Variants in DNASE1L3 observed in about 807,000 individuals in gnomAD.
The protein encoded by DNASE1L3 is deoxyribonuclease 1L3, also known as deoxyribonuclease gamma.
In DNASE1L3, 27 loss-of-function variants were observed where a neutral mutation model predicts 30.9. That is an observed-to-expected ratio of 0.87 (90% confidence interval 0.64 to 1.20). The LOEUF (loss-of-function observed/expected upper bound fraction) is 1.20. DNASE1L3 is among the 50% of genes most tolerant of loss of function. The pLI is 0.00. For synonymous variants in DNASE1L3, 135 were observed against 138.0 expected, an observed-to-expected ratio of 0.98 and a Z score of 0.15; for missense variants, 364 against 378.2, an observed-to-expected ratio of 0.96 and a Z score of 0.31.
rs1045645262 is a variant in DNASE1L3 at position 58,192,492 on chromosome 3, A to G, written c.*195T>C. The G allele has an allele frequency of 2.1e-6, 1 of 485,932 alleles. No homozygotes were observed. Among genetic ancestry groups the G allele is most frequent in the Non-Finnish European group, 3.5e-6 (1 of 287,174 alleles). The allele number at this position is 485,932 out of a possible 1,614,324, so 30.1% of individuals were successfully genotyped here. On this transcript the variant is annotated 3_prime_UTR_variant, in exon 8 of 8. Coordinates refer to ENST00000394549, the MANE Select transcript of DNASE1L3 (RefSeq NM_004944.4). The surrounding 1 kb of genome is among the most constrained non-coding windows in gnomAD (Gnocchi z 4.8). ...AAATGCCCCTGGTTCCCTTTTAGACAATTCAGGGGAGGTATGAGACCAAGA... is the reference window on the plus strand; with the variant it reads ...AAATGCCCCTGGTTCCCTTTTAGACGATTCAGGGGAGGTATGAGACCAAGA...
At chr3:58,198,117 C>T in intron 5 of DNASE1L3, 139 bp from the exon 6 acceptor site, 2 of 980,326 alleles carry the variant, frequency 2.0e-6, no homozygotes, top group Non-Finnish European at 2.9e-6. Context: ...CTACCCCCTG[C>T]TCCCGCCCCG....
At chr3:58,203,797 C>G (rs1289994829) in intron 4 of DNASE1L3, among the ~76,000 whole-genome samples, 1 of 151,930 alleles carries the variant, frequency 6.6e-6, no homozygotes, top group Non-Finnish European at 1.5e-5. Flanking sequence ...AAGGCCCTAT[C>G]TCAAAAACAG....
chr3:58,206,199 T>C (rs972894001), intron 2 of DNASE1L3, among the ~76,000 whole-genome samples: 10 of 152,224 alleles, frequency 6.6e-5, no homozygotes, highest in African/African-American at 9.6e-5. Context: ...GCGGACTCTT[T>C]CTGTGTGTTT....
intron 6 of DNASE1L3, 61 bp from the exon 7 acceptor site, chr3:58,193,500 C>G: frequency 1.4e-6 from 2 of 1,440,790 alleles, no homozygotes; most frequent in Non-Finnish European, 1.9e-6. Flanking sequence ...GAGATCAAAC[C>G]AAGGTCTGTG....
At chr3:58,193,476 A>C (rs1245787448) in intron 6 of DNASE1L3, 37 bp from the exon 7 acceptor site, 21 of 1,558,170 alleles carry the variant, frequency 1.3e-5, no homozygotes, top group Non-Finnish European at 1.9e-5. Context: ...GTGTTAATCC[A>C]ACCTGTGATT....
intron 1 of DNASE1L3, among the ~76,000 whole-genome samples, chr3:58,209,467 G>A (rs936166539): frequency 3.3e-5 from 5 of 152,172 alleles, no homozygotes; most frequent in African/African-American, 1.2e-4. Flanking sequence ...TCTTGTCATG[G>A]CTCCCACAGG....
intron 4 of DNASE1L3, among the ~76,000 whole-genome samples, chr3:58,202,142 A>G (rs1443950215): frequency 6.7e-6 from 1 of 148,618 alleles, no homozygotes; most frequent in Non-Finnish European, 1.5e-5. Flanking sequence ...TTTTTTTTAA[A>G]GGTTTCCTTT....
In DNASE1L3 at chr3:58,193,075, CTTTTTTTTT is replaced by C. The variant is rs11289117; in HGVS notation, c.801+259_801+267del. The C allele has an allele frequency of 4.6e-5, 59 of 1,273,158 alleles. No individual in the cohort carries two copies. The African/African-American group carries it at 1.0e-3, about 22-fold the overall frequency. 78.9% of individuals were successfully genotyped at this position (1,273,158 alleles called of 1,614,324 possible). A position where few individuals can be genotyped will look rare whatever the true frequency, so the allele number is the denominator to read the frequency against. On this transcript the variant is annotated intron_variant, in intron 7 of 7. Transcript: ENST00000394549. Reference sequence around the variant, plus strand: ...ACCTCAAAGGGTGGCATCAACCCATCTTTTTTTTTTTTTTTTTTTGAGACAGGATCTCAC... The same window carrying C: ...ACCTCAAAGGGTGGCATCAACCCATCTTTTTTTTTTGAGACAGGATCTCAC...
intron 1 of DNASE1L3, among the ~76,000 whole-genome samples, chr3:58,208,903 C>A (rs2097405760): frequency 6.6e-6 from 1 of 152,042 alleles, no homozygotes; most frequent in Non-Finnish European, 1.5e-5. Flanking sequence ...AGGATTTGAA[C>A]TTAGGTCTGC....
chr3:58,206,761 C>T (rs1328040481), intron 2 of DNASE1L3, among the ~76,000 whole-genome samples: 1 of 152,128 alleles, frequency 6.6e-6, no homozygotes, highest in Non-Finnish European at 1.5e-5. Context: ...ACTGGGGACA[C>T]TCCAAGGAAG....
intron 1 of DNASE1L3, among the ~76,000 whole-genome samples, chr3:58,209,880 C>T: frequency 6.6e-6 from 1 of 152,222 alleles, no homozygotes; most frequent in Non-Finnish European, 1.5e-5. Context: ...TAATAAGTAC[C>T]TTTCCAGAGT....
intron 5 of DNASE1L3, among the ~76,000 whole-genome samples, chr3:58,198,621 T>A (rs2097398789): frequency 6.6e-6 from 1 of 152,214 alleles, no homozygotes; most frequent in African/African-American, 2.4e-5. Flanking sequence ...CTGTTCTTAG[T>A]CGCCACATTT....
rs532308549 is a variant in DNASE1L3, at chr3:58,192,659, A to T, written c.*28T>A. Reference sequence around the variant, plus strand: ...AGAGACATTTTATTTAGAGGCAAGAAATGGTTAATAAGATGAGACCCTTGG... The same window carrying T: ...AGAGACATTTTATTTAGAGGCAAGATATGGTTAATAAGATGAGACCCTTGG... On this transcript the variant is annotated 3_prime_UTR_variant, in exon 8 of 8. Transcript: ENST00000394549. This position sits in a 1 kb window ranked among gnomAD's most constrained non-coding sequence, Gnocchi z 4.8. 1 of 1,599,514 alleles carries T rather than the reference A, an allele frequency of 6.3e-7. No homozygotes were observed. The highest frequency in any genetic ancestry group is 1.1e-5 in the South Asian group (1 of 89,022).
chr3:58,208,459 G>A (rs895003087), intron 1 of DNASE1L3, among the ~76,000 whole-genome samples, 153 bp from the exon 2 acceptor site: 4 of 152,146 alleles, frequency 2.6e-5, no homozygotes, highest in African/African-American at 9.7e-5. Context: ...GAGGTAGGTA[G>A]GTGCTTTTGT....
Position 58,192,728 on chromosome 3 carries a change from A to AT in DNASE1L3, c.876dup (p.Ser293IlefsTer22). The AT allele has an allele frequency of 1.2e-6, 2 of 1,614,108 alleles. No individual in the cohort carries two copies. Among genetic ancestry groups the AT allele is most frequent in the South Asian group, 1.1e-5 (1 of 91,080 alleles). The stretch of plus-strand genomic sequence containing the variant: ...TTTGTTTTCTTCCTTAGAGTGACAG[A>AT]TTTTTTGCTGTTGGTGAAGGCCCTT... On this transcript the variant is annotated frameshift_variant, in exon 8 of 8. Coordinates refer to ENST00000394549, the MANE Select transcript of DNASE1L3 (RefSeq NM_004944.4). LOFTEE classifies it low-confidence loss of function (END_TRUNC). This position sits in a 1 kb window ranked among gnomAD's most constrained non-coding sequence, Gnocchi z 4.8.
chr3:58,198,400 C>T (rs902522793), intron 5 of DNASE1L3, among the ~76,000 whole-genome samples: 2 of 152,234 alleles, frequency 1.3e-5, no homozygotes, highest in African/African-American at 4.8e-5. Flanking sequence ...TGTTCTGGGA[C>T]TCCAGCCTCC....
rs2097397943 is a variant in DNASE1L3 at position 58,197,171 on chromosome 3, C to T, written c.704+650G>A. On this transcript the variant is annotated intron_variant, in intron 6 of 7. Coordinates refer to ENST00000394549, the MANE Select transcript of DNASE1L3 (RefSeq NM_004944.4). The surrounding 1 kb of genome is among the most constrained non-coding windows in gnomAD (Gnocchi z 5.3). Reference sequence around the variant, plus strand: ...ACATGTTATTTCATTTACTCCACATCGGATCTTCATGAGTGAGGCACTAGG... The same window carrying T: ...ACATGTTATTTCATTTACTCCACATTGGATCTTCATGAGTGAGGCACTAGG... 1.3e-5 allele frequency among the ~76,000 whole-genome samples: 2 copies of T among 152,148 alleles called. No homozygotes were observed. Among genetic ancestry groups the T allele is most frequent in the Non-Finnish European group, 2.9e-5 (2 of 68,036 alleles).
At chr3:58,196,822 T>G (rs951115492) in intron 6 of DNASE1L3, among the ~76,000 whole-genome samples, 1 of 152,200 alleles carries the variant, frequency 6.6e-6, no homozygotes, top group Non-Finnish European at 1.5e-5. Context: ...GAAGGGACTT[T>G]AAAAAGCACG....
chr3:58,210,931 C>G lies in DNASE1L3; in HGVS notation c.-25G>C. 1 of 1,612,458 alleles carries G rather than the reference C, an allele frequency of 6.2e-7. No individual in the cohort carries two copies. Among genetic ancestry groups the G allele is most frequent in the Non-Finnish European group, 8.5e-7 (1 of 1,179,618 alleles). ...TCCTGGCGCTGCTCTGGCTTCAAGA[C>G]TCTGTGAGAAGACAGCAGTGCTTGG... is the stretch of plus-strand genomic sequence containing the variant. On this transcript the variant is annotated 5_prime_UTR_variant, in exon 1 of 8. Coordinates refer to ENST00000394549, the MANE Select transcript of DNASE1L3 (RefSeq NM_004944.4).
Sources: allele counts gnomAD v4.1 joint callset (sites outside exome capture counted in the v4.1 genomes callset), GRCh38; gene constraint gnomAD v4.1.1; non-coding constraint Gnocchi (gnomAD v3.1); transcripts MANE v1.5; gene names NCBI Gene and HGNC (gene_info 2026-07-23, HGNC 2026-07-21).